The following AP1G1 variants were observed in gnomAD, a reference collection of about 807,000 sequenced individuals.
AP1G1 encodes adaptor related protein complex 1 subunit gamma 1, also known as AP-1 complex subunit gamma-1.
In AP1G1, 7 loss-of-function variants were observed where a neutral mutation model predicts 108.3. The ratio of observed to expected loss-of-function variants is 0.06; its 90% confidence interval spans 0.04 to 0.12. AP1G1 has a LOEUF of 0.12. Ranked by LOEUF, AP1G1 falls within the 10% of genes least tolerant of loss-of-function variation. The probability of loss-of-function intolerance (pLI) is 1.00; values close to 1 mark genes in which losing one functional copy is unlikely to be tolerated. For synonymous variants in AP1G1, 379 were observed against 353.5 expected (o/e 1.07, Z -0.81); for missense variants, 756 against 1,010.7 (o/e 0.75, Z 3.42).
chr16:71,759,489 G>A (rs1054599636), intron 10 of AP1G1, among the ~76,000 whole-genome samples: 34 of 146,974 alleles, frequency 2.3e-4, no homozygotes, highest in African/African-American at 7.3e-4. Context: ...GACTGGGCGC[G>A]GTGGCTCATG....
intron 13 of AP1G1, among the ~76,000 whole-genome samples, chr16:71,750,644 G>C (rs2030443721): frequency 6.6e-6 from 1 of 151,672 alleles, no homozygotes; most frequent in Non-Finnish European, 1.5e-5. Context: ...TCGAACTCCT[G>C]ACCTCAGATG....
intron 2 of AP1G1, among the ~76,000 whole-genome samples, chr16:71,775,735 G>C (rs1217585063): frequency 6.6e-6 from 1 of 152,168 alleles, no homozygotes; most frequent in Non-Finnish European, 1.5e-5. Flanking sequence ...TTCAGAGCTT[G>C]ATCCAAGTAC....
intron 19 of AP1G1, among the ~76,000 whole-genome samples, chr16:71,740,449 G>A (rs1416917095): frequency 6.6e-6 from 1 of 152,096 alleles, no homozygotes; most frequent in African/African-American, 2.4e-5. Context: ...ACATCCAAAA[G>A]CATTCATAGC....
chr16:71,735,814 T>C (rs888867555), intron 21 of AP1G1, among the ~76,000 whole-genome samples: 6 of 151,776 alleles, frequency 4.0e-5, no homozygotes, highest in African/African-American at 7.3e-5. Flanking sequence ...GGGCCAAAAG[T>C]TGCAAGAGTG....
intron 12 of AP1G1, among the ~76,000 whole-genome samples, chr16:71,754,746 G>C (rs907975474): frequency 1.3e-5 from 2 of 152,064 alleles, no homozygotes; most frequent in African/African-American, 4.8e-5. Flanking sequence ...GCTGCAGTAA[G>C]CTATGACTGG....
rs35538622 is a variant in AP1G1 at position 71,771,119 on chromosome 16, C to T, written c.565+37G>A. ...TTAAGCCTTTTCTCTTTCCCTTTCT[C>T]CCTCAATACTTCATGAATACATCCA... On this transcript the variant is annotated intron_variant, in intron 5 of 22. Coordinates refer to ENST00000299980, the MANE Select transcript of AP1G1 (RefSeq NM_001128.6). 6.5e-3 allele frequency: 8,532 copies of T among 1,309,128 alleles called. 34 individuals are homozygous for T. The highest frequency in any genetic ancestry group is 8.0e-3 in the Non-Finnish European group (7,316 of 911,392). The allele number at this position is 1,309,128 out of a possible 1,614,324, so 81.1% of individuals were successfully genotyped here.
chr16:71,758,958 G>C lies in AP1G1; in HGVS notation c.975-37C>G, dbSNP rs765036203. ...AGTTGCAAAATAACAGAGTTAAAAT[G>C]TAAAATTCAGGATAGTTTTTCTCCG... On this transcript the variant is annotated intron_variant, in intron 10 of 22. Coordinates refer to ENST00000299980, the MANE Select transcript of AP1G1 (RefSeq NM_001128.6). 2.5e-6 allele frequency: 3 copies of C among 1,206,520 alleles called. No homozygotes were observed. In the Admixed American group the frequency reaches 6.6e-5, roughly 27 times the overall value. The allele number at this position is 1,206,520 out of a possible 1,614,324, so 74.7% of individuals were successfully genotyped here.
chr16:71,735,479 C>A (rs1041901878), intron 21 of AP1G1, among the ~76,000 whole-genome samples: 20 of 151,912 alleles, frequency 1.3e-4, no homozygotes, highest in Non-Finnish European at 2.2e-4. Context: ...CTGGCCAACA[C>A]AGTGAAACCC....
At chr16:71,796,248 T>A (rs970066094) in intron 1 of AP1G1, among the ~76,000 whole-genome samples, 3 of 152,006 alleles carry the variant, frequency 2.0e-5, no homozygotes, top group African/African-American at 7.2e-5. Context: ...AAAATAATAA[T>A]AATACAATGA....
intron 7 of AP1G1, 41 bp downstream of exon 7, chr16:71,765,448 A>C (rs780535297): frequency 7.0e-7 from 1 of 1,438,524 alleles, no homozygotes; most frequent in East Asian, 2.3e-5. Context: ...AAAGATATTA[A>C]ATTCATATAA....
chr16:71,808,683 A>G, intron 1 of AP1G1, 80 bp downstream of exon 1: 1 of 1,287,578 alleles, frequency 7.8e-7, no homozygotes. Context: ...TGAAACTGAA[A>G]GGAAGCTTCC....
At chr16:71,744,995 C>A in intron 19 of AP1G1, 149 bp downstream of exon 19, 2 of 813,832 alleles carry the variant, frequency 2.5e-6, no homozygotes, top group South Asian at 1.7e-5. Context: ...CAACATATAA[C>A]CCGGATATTG....
rs1241806700 is a variant in AP1G1, at chr16:71,732,198, C to A, written c.*860G>T. ...GGGTCATTAATAACTATGAATATAT[C>A]TTTTAGAAGGTGACCATTTTGCACT... On this transcript the variant is annotated 3_prime_UTR_variant, in exon 23 of 23. Transcript: ENST00000299980. The A allele has an allele frequency of 6.6e-6, 1 of 152,264 alleles. No individual in the cohort carries two copies. Among genetic ancestry groups the A allele is most frequent in the African/African-American group, 2.4e-5 (1 of 41,428 alleles). 9.4% of individuals were successfully genotyped at this position (152,264 alleles called of 1,614,324 possible).
chr16:71,746,869 G>T (rs549521972), intron 16 of AP1G1, 177 bp from the exon 17 acceptor site: 16 of 518,454 alleles, frequency 3.1e-5, no homozygotes, highest in Admixed American at 2.3e-4. Context: ...TCTGACATTC[G>T]CATTATACTA....
chr16:71,759,923 T>C (rs1044543842), intron 10 of AP1G1, among the ~76,000 whole-genome samples: 1 of 152,148 alleles, frequency 6.6e-6, no homozygotes, highest in Non-Finnish European at 1.5e-5. Flanking sequence ...ACTTTTAACA[T>C]GTGAGTTTTC....
chr16:71,749,674 A>T (rs1159304930), intron 15 of AP1G1, among the ~76,000 whole-genome samples: 1 of 152,072 alleles, frequency 6.6e-6, no homozygotes, highest in East Asian at 1.9e-4. Flanking sequence ...TGTCTTTTGT[A>T]GAGACAGAGT....
intron 1 of AP1G1, chr16:71,808,359 G>T: frequency 3.5e-6 from 3 of 845,074 alleles, no homozygotes; most frequent in Non-Finnish European, 4.7e-6. Context: ...TGACAGACCT[G>T]ACACGGGTAC....
rs2045460829 is a variant in AP1G1 at position 71,729,754 on chromosome 16, T to C, written c.*3304A>G. 6.6e-6 allele frequency: 1 copy of C among 152,620 alleles called. No homozygotes were observed. The highest frequency in any genetic ancestry group is 1.9e-4 in the East Asian group (1 of 5,194). The allele number at this position is 152,620 out of a possible 1,614,324, so 9.5% of individuals were successfully genotyped here. A position where few individuals can be genotyped will look rare whatever the true frequency, so the allele number is the denominator to read the frequency against. ...AATACACAGACATGTAAAACCACTC[T>C]CCCAACTACAAAGTTCATGAACACC... is the stretch of plus-strand genomic sequence containing the variant. On this transcript the variant is annotated 3_prime_UTR_variant, in exon 23 of 23. Coordinates refer to ENST00000299980, the MANE Select transcript of AP1G1 (RefSeq NM_001128.6).
intron 2 of AP1G1, among the ~76,000 whole-genome samples, chr16:71,776,722 A>G (rs1223177652): frequency 6.6e-6 from 1 of 152,074 alleles, no homozygotes; most frequent in Non-Finnish European, 1.5e-5. Context: ...AATAGGACAT[A>G]CTCTTAGGCA....
Sources: gnomAD v4.1 joint callset for allele counts (sites outside exome capture counted in the v4.1 genomes callset) on GRCh38, gnomAD v4.1.1 for gene constraint, MANE v1.5 for transcripts, NCBI Gene and HGNC (gene_info 2026-07-23, HGNC 2026-07-21) for gene names.